Variants in MARCHF3 observed in about 807,000 individuals in gnomAD.
The protein encoded by MARCHF3 is membrane associated ring-CH-type finger 3, also known as E3 ubiquitin-protein ligase MARCHF3.
A neutral mutation model predicts 24.2 loss-of-function variants in MARCHF3; 13 were observed. The ratio of observed to expected loss-of-function variants is 0.54; its 90% confidence interval spans 0.35 to 0.85. The LOEUF (loss-of-function observed/expected upper bound fraction) is 0.85. MARCHF3 is among the 40% of genes least tolerant of loss of function. MARCHF3 has a pLI of 0.01. For missense variants in MARCHF3, 276 were observed against 325.0 expected, an observed-to-expected ratio of 0.85 and a Z score of 1.16; for synonymous variants, 144 against 137.3, an observed-to-expected ratio of 1.05 and a Z score of -0.34.
chr5:127,026,125 T>C (rs755808570), intron 1 of MARCHF3, among the ~76,000 whole-genome samples: 5 of 152,110 alleles, frequency 3.3e-5, no homozygotes, highest in African/African-American at 4.8e-5. Context: ...ATAATAGAAT[T>C]GTTGCTTAGA....
At chr5:126,889,661 C>T (rs1272119938) in intron 3 of MARCHF3, among the ~76,000 whole-genome samples, 1 of 152,070 alleles carries the variant, frequency 6.6e-6, no homozygotes, top group Non-Finnish European at 1.5e-5. Flanking sequence ...ATTTGCAGTC[C>T]CTATAGTCCA....
chr5:126,902,889 G>A (rs1291115688), intron 3 of MARCHF3, among the ~76,000 whole-genome samples: 1 of 152,116 alleles, frequency 6.6e-6, no homozygotes, highest in Non-Finnish European at 1.5e-5. Flanking sequence ...TCCACGTGGA[G>A]GCAGGTGGCC....
In MARCHF3 at chr5:126,921,025, GGCCATATCT is replaced by G. The variant is rs1467038218; in HGVS notation, c.-56-2807_-56-2799del. Among the ~76,000 whole-genome samples the G allele has an allele frequency of 5.9e-5, 9 of 151,356 alleles. No homozygotes were observed. In the South Asian group the frequency reaches 1.1e-3, roughly 18 times the overall value. Reference sequence around the variant, plus strand: ...AAGCAAGCCCTGGCTCTTTCTCTTGGGCCATATCTGCAGAACCCTGCATCCAAGATCCTC... The same window carrying G: ...AAGCAAGCCCTGGCTCTTTCTCTTGGGCAGAACCCTGCATCCAAGATCCTC... On this transcript the variant is annotated intron_variant, in intron 1 of 4. Coordinates refer to ENST00000308660, the MANE Select transcript of MARCHF3 (RefSeq NM_178450.5).
intron 3 of MARCHF3, 163 bp downstream of exon 3, chr5:126,914,767 A>ACACACACACACACACACACACAC (rs1754658481): frequency 2.3e-6 from 1 of 432,098 alleles, no homozygotes; most frequent in African/African-American, 2.4e-5. Context: ...CTCTTTCTCA[A>ACACACACACACACACACACACAC]ACACACACAC....
At chr5:126,998,863 G>A (rs903777360) in intron 1 of MARCHF3, among the ~76,000 whole-genome samples, 3 of 152,196 alleles carry the variant, frequency 2.0e-5, no homozygotes, top group Admixed American at 2.0e-4. Context: ...GTCTGTGGAT[G>A]TTACCTAAAG....
At chr5:126,873,436 A>G (rs895825851) in intron 4 of MARCHF3, among the ~76,000 whole-genome samples, 3 of 151,360 alleles carry the variant, frequency 2.0e-5, no homozygotes, top group Admixed American at 6.6e-5. Context: ...AGAGACAGAG[A>G]CAGATTGGGC....
intron 3 of MARCHF3, among the ~76,000 whole-genome samples, chr5:126,891,133 T>C (rs1383943693): frequency 6.7e-6 from 1 of 149,384 alleles, no homozygotes; most frequent in East Asian, 2.0e-4. Context: ...TTTGATGGGG[T>C]TGTTTGTTTT....
intron 1 of MARCHF3, among the ~76,000 whole-genome samples, chr5:126,954,858 C>A (rs1379824696): frequency 6.6e-6 from 1 of 152,142 alleles, no homozygotes; most frequent in Non-Finnish European, 1.5e-5. Flanking sequence ...TCCTTCTTCT[C>A]CTTTCCTCTT....
chr5:127,012,221 T>C (rs913030499), intron 1 of MARCHF3, among the ~76,000 whole-genome samples: 1 of 152,232 alleles, frequency 6.6e-6, no homozygotes, highest in Non-Finnish European at 1.5e-5. Context: ...ATGAAATGTT[T>C]CAAATGATTT....
intron 1 of MARCHF3, among the ~76,000 whole-genome samples, chr5:126,948,970 T>C (rs1750126214): frequency 6.6e-6 from 1 of 152,050 alleles, no homozygotes; most frequent in Admixed American, 6.6e-5. Context: ...AATTTGGGCA[T>C]GTGGAGAGGA....
intron 3 of MARCHF3, among the ~76,000 whole-genome samples, chr5:126,890,096 T>G (rs1358684013): frequency 4.6e-5 from 7 of 152,196 alleles, no homozygotes; most frequent in African/African-American, 1.7e-4. Flanking sequence ...TCACTGGGTA[T>G]GGGGCCCAGA....
At chr5:126,924,522 C>T (rs1230579420) in intron 1 of MARCHF3, among the ~76,000 whole-genome samples, 1 of 152,188 alleles carries the variant, frequency 6.6e-6, no homozygotes, top group Non-Finnish European at 1.5e-5. Context: ...TTTGATAGAA[C>T]ATTCCTCTGG....
Position 126,986,176 on chromosome 5 carries a change from G to A in MARCHF3, c.-57+44174C>T, listed in dbSNP as rs142413761. Among the ~76,000 whole-genome samples, 218 of 152,308 alleles carry A rather than the reference G, an allele frequency of 1.4e-3. 3 individuals carry two copies. Among genetic ancestry groups the A allele is most frequent in the African/African-American group, 5.0e-3 (207 of 41,574 alleles). ...TGGAGTTTGTAGCAGTCTTGAAACC[G>A]TAAGGAAAATGACCTCAGGCAAATT... On this transcript the variant is annotated intron_variant, in intron 1 of 4. Transcript: ENST00000308660.
intron 1 of MARCHF3, among the ~76,000 whole-genome samples, chr5:127,013,206 G>A (rs1377718591): frequency 6.6e-6 from 1 of 152,176 alleles, no homozygotes; most frequent in Non-Finnish European, 1.5e-5. Context: ...TTCCAGCAAT[G>A]TGTGTGTATC....
In MARCHF3 at chr5:126,909,528, T is replaced by C. The variant is rs138465475; in HGVS notation, c.393+5402A>G. ...CACAGGATATAATCTCCTGGTGCGCTGTTTTTTAAGCCCATCGGAAAATCG... is the reference window on the plus strand; with the variant it reads ...CACAGGATATAATCTCCTGGTGCGCCGTTTTTTAAGCCCATCGGAAAATCG... On this transcript the variant is annotated intron_variant, in intron 3 of 4. Transcript: ENST00000308660. Among the ~76,000 whole-genome samples, 306 of 152,378 alleles carry C rather than the reference T, an allele frequency of 2.0e-3. 1 individual carries two copies. The highest frequency in any genetic ancestry group is 5.2e-3 in the African/African-American group (216 of 41,596).
intron 1 of MARCHF3, among the ~76,000 whole-genome samples, chr5:126,966,546 G>C (rs1039090297): frequency 6.6e-6 from 1 of 151,972 alleles, no homozygotes; most frequent in Non-Finnish European, 1.5e-5. Flanking sequence ...GGAAAAATTA[G>C]AAGACTTTAA....
At chr5:126,906,592 A>T (rs1354268741) in intron 3 of MARCHF3, among the ~76,000 whole-genome samples, 5 of 152,132 alleles carry the variant, frequency 3.3e-5, no homozygotes, top group Non-Finnish European at 7.4e-5. Context: ...TAGATTTTCT[A>T]GTTTATTTGC....
intron 1 of MARCHF3, among the ~76,000 whole-genome samples, chr5:127,025,308 T>TAAAAAAAAAAAAAAAAAGAAAAAAAAAAA (rs1752958756): frequency 7.5e-6 from 1 of 133,762 alleles, no homozygotes; most frequent in African/African-American, 2.8e-5. Flanking sequence ...AAAAAGTTAT[T>TAAAAAAAAAAAAAAAAAGAAAAAAAAAAA]AAAAAAAAAA....
At chr5:126,941,055 T>C (rs1297982618) in intron 1 of MARCHF3, among the ~76,000 whole-genome samples, 7 of 152,238 alleles carry the variant, frequency 4.6e-5, no homozygotes, top group Admixed American at 1.3e-4. Flanking sequence ...ACATGGATGG[T>C]AGAAAATATA....
Sources: allele counts gnomAD v4.1 joint callset (sites outside exome capture counted in the v4.1 genomes callset), GRCh38; gene constraint gnomAD v4.1.1; transcripts MANE v1.5; gene names NCBI Gene and HGNC (gene_info 2026-07-23, HGNC 2026-07-21).